The following ANKRD13D variants were observed in gnomAD, a reference collection of about 807,000 sequenced individuals.
The protein encoded by ANKRD13D is ankyrin repeat domain-containing protein 13D.
ANKRD13D carries 24 observed loss-of-function variants against 68.8 expected under a neutral mutation model. That is an observed-to-expected ratio of 0.35 (90% CI 0.25 to 0.49). The LOEUF is 0.49. Among genes scored for constraint, ANKRD13D ranks in the 20% least tolerant of loss-of-function variants. The probability of loss-of-function intolerance (pLI) is 0.99; values close to 1 mark genes in which losing one functional copy is unlikely to be tolerated. For synonymous variants in ANKRD13D, 331 were observed against 336.1 expected, an observed-to-expected ratio of 0.98 and a Z score of 0.16; for missense variants, 735 against 832.1, an observed-to-expected ratio of 0.88 and a Z score of 1.44.
Position 67,302,246 on chromosome 11 carries a change from C to A in ANKRD13D, c.1732C>A (p.Arg578=), listed in dbSNP as rs779499847. The A allele has an allele frequency of 3.8e-6, 6 of 1,574,082 alleles. No homozygotes were observed. In the African/African-American group the frequency reaches 6.7e-5, roughly 18 times the overall value. The change falls in exon 15 of 15, where the codon CGG becomes AGG. Residue 578 remains arginine, a synonymous_variant. Transcript: ENST00000511455. ...GCGCCTGGCCCTGGAGTTGTCTTCA[C>A]GGGAGCAGGAGGAGCGGGAGCGGCG... ...QLRLALELSS[R]EQEERERRGQ... is the part of the protein sequence containing the mutation.
chr11:67,293,643 C>T (rs1219768804), intron 6 of ANKRD13D, among the ~76,000 whole-genome samples: 1 of 152,096 alleles, frequency 6.6e-6, no homozygotes, highest in Non-Finnish European at 1.5e-5. Context: ...TGCTGCCATG[C>T]CCAGCTAATT....
chr11:67,290,510 C>T (rs1287370062), intron 3 of ANKRD13D, 64 bp downstream of exon 3: 6 of 1,498,034 alleles, frequency 4.0e-6, no homozygotes, highest in Non-Finnish European at 5.4e-6. Context: ...GTTACTGTGC[C>T]AGGCCTGGCC....
Position 67,291,911 on chromosome 11 carries a change from GGGTACAT to G in ANKRD13D, c.542-78_542-72del. 3 of 1,517,744 alleles carry G rather than the reference GGGTACAT, an allele frequency of 2.0e-6. No homozygotes were observed. In the African/African-American group the frequency reaches 4.1e-5, roughly 21 times the overall value. The allele number at this position is 1,517,744 out of a possible 1,614,324, so 94.0% of individuals were successfully genotyped here. A position where few individuals can be genotyped will look rare whatever the true frequency, so the allele number is the denominator to read the frequency against. Reference sequence around the variant, plus strand: ...GACCCACTTGGCAGCAGGTGGCTGAGGGTACATGATCGCCCTCTCTGCACTGCTGGCG... The same window carrying G: ...GACCCACTTGGCAGCAGGTGGCTGAGGATCGCCCTCTCTGCACTGCTGGCG... On this transcript the variant is annotated intron_variant, in intron 5 of 14. Transcript: ENST00000511455.
chr11:67,298,862 T>A (rs1022857438), intron 6 of ANKRD13D, 196 bp from the exon 7 acceptor site: 16 of 610,844 alleles, frequency 2.6e-5, no homozygotes, highest in Non-Finnish European at 4.7e-5. Context: ...CTCAGTGTCT[T>A]CTAGTCCCAA....
chr11:67,294,209 A>G (rs1860680254), intron 6 of ANKRD13D, among the ~76,000 whole-genome samples: 1 of 152,152 alleles, frequency 6.6e-6, no homozygotes, highest in African/African-American at 2.4e-5. Context: ...TTATTTCAGT[A>G]TTTTGGGACC....
Position 67,302,182 on chromosome 11 carries a change from A to G in ANKRD13D, c.1668A>G (p.Thr556=). 31 of 1,594,470 alleles carry G rather than the reference A, an allele frequency of 1.9e-5. No homozygotes were observed. Among genetic ancestry groups the G allele is most frequent in the Non-Finnish European group, 2.6e-5 (31 of 1,171,560 alleles). ...EPRGPGSPPR[T]PPAPGPPSFE... ...GGGGCCCAGGATCCCCTCCCAGGAC[A>G]CCCCCAGCCCCCGGTCCACCCAGCT... The change falls in exon 15 of 15, where the codon ACA becomes ACG. Residue 556 remains threonine (T), a synonymous_variant. Coordinates refer to ENST00000511455, the MANE Select transcript of ANKRD13D (RefSeq NM_207354.3).
intron 6 of ANKRD13D, among the ~76,000 whole-genome samples, chr11:67,297,654 T>C (rs554999838): frequency 1.3e-5 from 2 of 151,810 alleles, no homozygotes; most frequent in Non-Finnish European, 2.9e-5. Context: ...GCCTCCCGAG[T>C]AGCTGGGACT....
chr11:67,289,867 C>G, intron 1 of ANKRD13D: 5 of 1,430,302 alleles, frequency 3.5e-6, no homozygotes, highest in Non-Finnish European at 4.6e-6. Context: ...CTCTGCCTGA[C>G]CAGGCCCCGC....
rs1261971351 is a variant in ANKRD13D, at chr11:67,300,935, T to C, written c.1074-55T>C. 1.2e-6 allele frequency: 2 copies of C among 1,601,220 alleles called. No homozygotes were observed. The highest frequency in any genetic ancestry group is 1.7e-6 in the Non-Finnish European group (2 of 1,173,436). On this transcript the variant is annotated intron_variant, in intron 10 of 14. Coordinates refer to ENST00000511455, the MANE Select transcript of ANKRD13D (RefSeq NM_207354.3). The surrounding 1 kb of genome is among the most constrained non-coding windows in gnomAD (Gnocchi z 4.3). ...CTGCCCACGAACCAGAGGGCAGTCC[T>C]CAATGGAAGGGCCACCAGCCGTGCC...
chr11:67,302,081 C>T (rs1242888216), intron 14 of ANKRD13D, 38 bp from the exon 15 acceptor site: 4 of 1,502,854 alleles, frequency 2.7e-6, no homozygotes, highest in Non-Finnish European at 3.6e-6. Flanking sequence ...CCTTGGCGCT[C>T]ACTGGCCTGT....
rs573613934 is a variant in ANKRD13D, at chr11:67,300,713, G to A, written c.1074-277G>A. 1.1e-3 allele frequency: 572 copies of A among 532,918 alleles called. 8 individuals carry two copies. The South Asian group carries it at 0.011, about 10-fold the overall frequency. 33.0% of individuals were successfully genotyped at this position (532,918 alleles called of 1,614,324 possible). On this transcript the variant is annotated intron_variant, in intron 10 of 14. Transcript: ENST00000511455. This position sits in a 1 kb window ranked among gnomAD's most constrained non-coding sequence, Gnocchi z 4.3. ...CGGGGCTGTGGGCCAGGCCCAGAGA[G>A]AAGCCCACAGCCTGGCACCTGGCCT...
In ANKRD13D at chr11:67,300,955, C is replaced by G. The variant is rs1860956928; in HGVS notation, c.1074-35C>G. The G allele has an allele frequency of 1.2e-6, 2 of 1,610,176 alleles. No individual in the cohort carries two copies. On this transcript the variant is annotated intron_variant, in intron 10 of 14. Coordinates refer to ENST00000511455, the MANE Select transcript of ANKRD13D (RefSeq NM_207354.3). The surrounding 1 kb of genome is among the most constrained non-coding windows in gnomAD (Gnocchi z 4.3). ...AGTCCTCAATGGAAGGGCCACCAGC[C>G]GTGCCTCACCCATGTCCTGTGGTCG...
chr11:67,301,967 TGA>T lies in ANKRD13D; in HGVS notation c.1604+146_1604+147del. 3.8e-6 allele frequency: 5 copies of T among 1,331,748 alleles called. No homozygotes were observed. Among genetic ancestry groups the T allele is most frequent in the Non-Finnish European group, 5.0e-6 (5 of 990,144 alleles). 82.5% of individuals were successfully genotyped at this position (1,331,748 alleles called of 1,614,324 possible). A position where few individuals can be genotyped will look rare whatever the true frequency, so the allele number is the denominator to read the frequency against. ...GCGCTATCTGCCACCAAAGGTGGTG[TGA>T]GGGGTGGGGAAGCAGGGCCCTGCCT... On this transcript the variant is annotated intron_variant, in intron 14 of 14. Coordinates refer to ENST00000511455, the MANE Select transcript of ANKRD13D (RefSeq NM_207354.3). This position sits in a 1 kb window ranked among gnomAD's most constrained non-coding sequence, Gnocchi z 4.5.
At chr11:67,294,833 T>A (rs1464744713) in intron 6 of ANKRD13D, among the ~76,000 whole-genome samples, 1 of 152,234 alleles carries the variant, frequency 6.6e-6, no homozygotes, top group African/African-American at 2.4e-5. Context: ...TTCTTTTTGA[T>A]ACAATTATGA....
rs565467958 is a variant in ANKRD13D, at chr11:67,289,761, C to A, written c.90+211C>A. 3 of 1,417,770 alleles carry A rather than the reference C, an allele frequency of 2.1e-6. No homozygotes were observed. In the East Asian group the frequency reaches 7.9e-5, roughly 37 times the overall value. 87.8% of individuals were successfully genotyped at this position (1,417,770 alleles called of 1,614,324 possible). ...CCCCTGCGCTGGGCCTTGCCCTGCT[C>A]GCCCGAACTCGCTTCCGCATCCTTG... is the stretch of plus-strand genomic sequence containing the variant. On this transcript the variant is annotated intron_variant, in intron 1 of 14. Transcript: ENST00000511455.
At chr11:67,289,629 C>T in intron 1 of ANKRD13D, 79 bp downstream of exon 1, 2 of 1,158,520 alleles carry the variant, frequency 1.7e-6, no homozygotes, top group Admixed American at 3.5e-5. Context: ...GAGCCCCCCC[C>T]CCCCCCCCGC....
In ANKRD13D at chr11:67,301,783, C is replaced by T. The variant is rs1457092720; in HGVS notation, c.1564C>T (p.Pro522Ser). Residue 522 changes from proline (P) to serine (S), a missense_variant, in exon 14 of 15, where the codon CCC becomes TCC. Transcript: ENST00000511455. This position sits in a 1 kb window ranked among gnomAD's most constrained non-coding sequence, Gnocchi z 4.5. ...TNTRPGARPPPQATVYEEQLQ... is the reference protein window; with the variant it reads ...TNTRPGARPPSQATVYEEQLQ... ...CACCCGGCCCGGTGCCCGCCCTCCTCCCCAGGCCACGGTTTATGAGGAACA... is the reference window on the plus strand; with the variant it reads ...CACCCGGCCCGGTGCCCGCCCTCCTTCCCAGGCCACGGTTTATGAGGAACA... The T allele has an allele frequency of 6.2e-7, 1 of 1,608,952 alleles. No homozygotes were observed. The highest frequency in any genetic ancestry group is 1.7e-4 in the Middle Eastern group (1 of 6,054).
At chr11:67,294,438 T>G (rs1860687500) in intron 6 of ANKRD13D, among the ~76,000 whole-genome samples, 1 of 152,268 alleles carries the variant, frequency 6.6e-6, no homozygotes, top group Admixed American at 6.5e-5. Context: ...TTGGATCTTC[T>G]TTAATTTATT....
chr11:67,297,292 C>T (rs1029926145), intron 6 of ANKRD13D, among the ~76,000 whole-genome samples: 7 of 152,040 alleles, frequency 4.6e-5, no homozygotes, highest in South Asian at 2.1e-4. Flanking sequence ...CTGCAACCTC[C>T]GCCTCCCAGG....
Sources: allele counts gnomAD v4.1 joint callset (sites outside exome capture counted in the v4.1 genomes callset), GRCh38; gene constraint gnomAD v4.1.1; non-coding constraint Gnocchi (gnomAD v3.1); transcripts MANE v1.5; gene names NCBI Gene and HGNC (gene_info 2026-07-23, HGNC 2026-07-21).